Variants in DENND1A observed in about 807,000 individuals in gnomAD.
DENND1A encodes DENN domain containing 1A.
Under a neutral mutation model 113.7 loss-of-function variants are expected in DENND1A, and 51 were observed. The ratio of observed to expected loss-of-function variants is 0.45; its 90% CI spans 0.36 to 0.57. The LOEUF is 0.57. DENND1A is among the 20% of genes least tolerant of loss of function. The pLI is 0.00. For synonymous variants in DENND1A, 565 were observed against 570.8 expected, an observed-to-expected ratio of 0.99 and a Z score of 0.14; for missense variants, 1,258 against 1,395.9, an observed-to-expected ratio of 0.90 and a Z score of 1.57.
chr9:123,662,978 C>T (rs1186088502), intron 8 of DENND1A, among the ~76,000 whole-genome samples: 1 of 151,968 alleles, frequency 6.6e-6, no homozygotes, highest in Non-Finnish European at 1.5e-5. Flanking sequence ...TAAGATTTAG[C>T]AATATGAATA....
At chr9:123,897,511 G>A (rs1304403089) in intron 1 of DENND1A, among the ~76,000 whole-genome samples, 2 of 152,186 alleles carry the variant, frequency 1.3e-5, no homozygotes, top group African/African-American at 4.8e-5. Flanking sequence ...CTCTCACTGC[G>A]AAGCCCAGAC....
intron 1 of DENND1A, among the ~76,000 whole-genome samples, chr9:123,892,479 T>G (rs1216394207): frequency 3.9e-5 from 6 of 152,114 alleles, no homozygotes; most frequent in African/African-American, 1.4e-4. Context: ...AGTGCAGCAA[T>G]GCCTTGAAAG....
intron 9 of DENND1A, among the ~76,000 whole-genome samples, chr9:123,632,191 C>T (rs1339915721): frequency 6.6e-6 from 1 of 152,034 alleles, no homozygotes; most frequent in Non-Finnish European, 1.5e-5. Context: ...CTGCTACTCC[C>T]CACCCCCACC....
chr9:123,637,824 G>A (rs1218763561), intron 9 of DENND1A, among the ~76,000 whole-genome samples: 8 of 151,850 alleles, frequency 5.3e-5, no homozygotes, highest in Non-Finnish European at 1.2e-4. Context: ...GGCAACAATC[G>A]TTCTTCCAGT....
chr9:123,697,788 T>C (rs1334166857), intron 5 of DENND1A, among the ~76,000 whole-genome samples: 1 of 152,198 alleles, frequency 6.6e-6, no homozygotes. Context: ...ACACAAGGTG[T>C]ACTGGAGAGA....
intron 13 of DENND1A, among the ~76,000 whole-genome samples, chr9:123,497,835 A>G (rs2134147513): frequency 6.6e-6 from 1 of 152,114 alleles, no homozygotes; most frequent in South Asian, 2.1e-4. Context: ...AAAAAAAGAA[A>G]AAATCTATCA....
chr9:123,721,106 C>T (rs974596203), intron 5 of DENND1A, among the ~76,000 whole-genome samples: 3 of 152,222 alleles, frequency 2.0e-5, no homozygotes, highest in Admixed American at 2.0e-4. Context: ...CAGATCCCCA[C>T]AACTTCTCAC....
At chr9:123,568,220 C>A (rs969285251) in intron 12 of DENND1A, among the ~76,000 whole-genome samples, 1 of 152,222 alleles carries the variant, frequency 6.6e-6, no homozygotes, top group Non-Finnish European at 1.5e-5. Context: ...CTGGGCTCAG[C>A]CCGACCTGAG....
chr9:123,481,641 C>T (rs920367874), intron 13 of DENND1A, among the ~76,000 whole-genome samples: 2 of 152,142 alleles, frequency 1.3e-5, no homozygotes, highest in Admixed American at 1.3e-4. Context: ...GCATCATTGC[C>T]CCTGCTATTT....
At chr9:123,511,571 T>G (rs754512835) in intron 13 of DENND1A, among the ~76,000 whole-genome samples, 19 of 152,256 alleles carry the variant, frequency 1.2e-4, no homozygotes, top group Non-Finnish European at 2.1e-4. Flanking sequence ...CTGACCACCA[T>G]AGCAGCAGCA....
intron 1 of DENND1A, among the ~76,000 whole-genome samples, chr9:123,899,412 A>G (rs1851257279): frequency 6.6e-6 from 1 of 152,062 alleles, no homozygotes; most frequent in Non-Finnish European, 1.5e-5. Context: ...TGGTTCTCTA[A>G]CTACACTACC....
At chr9:123,889,698 C>A (rs753124852) in intron 1 of DENND1A, among the ~76,000 whole-genome samples, 1 of 152,242 alleles carries the variant, frequency 6.6e-6, no homozygotes, top group South Asian at 2.1e-4. Context: ...AGAGGCCGGG[C>A]GTGGTGGCTC....
intron 12 of DENND1A, among the ~76,000 whole-genome samples, chr9:123,562,038 T>C (rs1481030266): frequency 6.6e-6 from 1 of 152,120 alleles, no homozygotes; most frequent in Non-Finnish European, 1.5e-5. Context: ...GCCTTCAGTT[T>C]CTCCTCAATG....
chr9:123,464,994 C>CAAAAAAAAAAAAAAAAAA (rs10655282), intron 13 of DENND1A, among the ~76,000 whole-genome samples: 2 of 70,572 alleles, frequency 2.8e-5, no homozygotes, highest in Non-Finnish European at 2.5e-5. Flanking sequence ...ACTAAAAATA[C>CAAAAAAAAAAAAAAAAAA]AAAAAAAAAA....
In DENND1A at chr9:123,382,411, C is replaced by T; in HGVS notation, c.2234G>A (p.Ser745Asn). ...PQNRDSILNP[S>N]DKEEVPTPTL... ...AGGGGTGGGCACCTCCTCCTTGTCA[C>T]TGGGGTTCAGGATGCTGTCCCGGTT... The change falls in exon 24 of 24, where the codon AGT becomes AAT. Residue 745 changes from serine to asparagine, a missense_variant. Ser to Asn is a conservative substitution (Grantham distance 46). Transcript: ENST00000394215. 2 of 1,603,280 alleles carry T rather than the reference C, an allele frequency of 1.2e-6. No homozygotes were observed. The highest frequency in any genetic ancestry group is 1.7e-6 in the Non-Finnish European group (2 of 1,174,380).
intron 13 of DENND1A, among the ~76,000 whole-genome samples, chr9:123,541,455 C>G (rs1319967141): frequency 6.6e-6 from 1 of 152,176 alleles, no homozygotes; most frequent in African/African-American, 2.4e-5. Flanking sequence ...CTGACTTGCT[C>G]AAGACAACCT....
At chr9:123,513,444 G>C (rs2053619856) in intron 13 of DENND1A, among the ~76,000 whole-genome samples, 1 of 152,248 alleles carries the variant, frequency 6.6e-6, no homozygotes, top group Non-Finnish European at 1.5e-5. Context: ...CGAGGCACTG[G>C]AATTTTCTCT....
chr9:123,501,736 C>G (rs923470892), intron 13 of DENND1A, among the ~76,000 whole-genome samples: 3 of 152,216 alleles, frequency 2.0e-5, no homozygotes, highest in African/African-American at 7.2e-5. Flanking sequence ...CACCCTTAAT[C>G]TGGTGGGCAC....
intron 13 of DENND1A, among the ~76,000 whole-genome samples, chr9:123,543,009 C>T (rs78934314): frequency 0.076 from 11,614 of 152,276 alleles, 520 homozygotes; most frequent in Non-Finnish European, 0.1. Flanking sequence ...AGCAGCCTGC[C>T]GTCCTGAGCT....
Sources: allele counts gnomAD v4.1 joint callset (sites outside exome capture counted in the v4.1 genomes callset), GRCh38; gene constraint gnomAD v4.1.1; transcripts MANE v1.5; gene names NCBI Gene and HGNC (gene_info 2026-07-23, HGNC 2026-07-21).